Variants in ADAMTS3 observed in about 807,000 individuals in gnomAD.
The protein encoded by ADAMTS3 is ADAM metallopeptidase with thrombospondin type 1 motif 3, also known as A disintegrin and metalloproteinase with thrombospondin motifs 3.
In ADAMTS3, 73 loss-of-function variants were observed where a neutral mutation model predicts 129.0. That is an observed-to-expected ratio of 0.57 (90% CI 0.47 to 0.69). The LOEUF is 0.69. Ranked by LOEUF, ADAMTS3 falls within the 30% of genes least tolerant of loss-of-function variation. ADAMTS3 has a pLI of 0.00. For synonymous variants in ADAMTS3, 477 were observed against 510.8 expected, an observed-to-expected ratio of 0.93 and a Z score of 0.89; for missense variants, 1,457 against 1,514.5, an observed-to-expected ratio of 0.96 and a Z score of 0.63.
At chr4:72,527,824 C>T (rs1391417823) in intron 3 of ADAMTS3, among the ~76,000 whole-genome samples, 2 of 152,122 alleles carry the variant, frequency 1.3e-5, no homozygotes, top group Non-Finnish European at 2.9e-5. Flanking sequence ...GACAGGGATT[C>T]TACCCAGAGG....
intron 3 of ADAMTS3, among the ~76,000 whole-genome samples, chr4:72,533,274 T>C (rs1046876517): frequency 6.6e-6 from 1 of 152,138 alleles, no homozygotes; most frequent in South Asian, 2.1e-4. Flanking sequence ...ACCTTAGGCC[T>C]ACACAGAGTC....
intron 6 of ADAMTS3, 53 bp from the exon 7 acceptor site, chr4:72,320,923 G>C: frequency 6.5e-7 from 1 of 1,545,004 alleles, no homozygotes; most frequent in Non-Finnish European, 8.8e-7. Context: ...CAAAGGCTTC[G>C]TTTGATAATT....
Position 72,291,193 on chromosome 4 carries a change from G to C in ADAMTS3, c.2724-131C>G, listed in dbSNP as rs574276823. 4 of 859,344 alleles carry C rather than the reference G, an allele frequency of 4.7e-6. No homozygotes were observed. The East Asian group carries it at 1.1e-4, about 23-fold the overall frequency. The allele number at this position is 859,344 out of a possible 1,614,324, so 53.2% of individuals were successfully genotyped here. ...TAGTGGGCACACTGCAGTTCAGGAA[G>C]TGGTTTCAGAAAGATGGATATAATG... is the stretch of plus-strand genomic sequence containing the variant. On this transcript the variant is annotated intron_variant, in intron 19 of 21. Coordinates refer to ENST00000286657, the MANE Select transcript of ADAMTS3 (RefSeq NM_014243.3).
chr4:72,568,935 G>T lies in ADAMTS3; in HGVS notation c.-173C>A. 1.6e-6 allele frequency: 1 copy of T among 630,452 alleles called. No individual in the cohort carries two copies. The allele number at this position is 630,452 out of a possible 1,614,324, so 39.1% of individuals were successfully genotyped here. ...AATGAAAATGAAATTTGAGCTCTGA[G>T]ACTGGCCCCCTCTGCTCTGCAGTTT... On this transcript the variant is annotated 5_prime_UTR_variant, in exon 1 of 22. Transcript: ENST00000286657.
Position 72,386,117 on chromosome 4 carries a change from C to T in ADAMTS3, c.661+28698G>A, listed in dbSNP as rs554773080. Among the ~76,000 whole-genome samples, 22 of 152,140 alleles carry T rather than the reference C, an allele frequency of 1.4e-4. 1 individual carries two copies. Among genetic ancestry groups the T allele is most frequent in the African/African-American group, 4.6e-4 (19 of 41,536 alleles). On this transcript the variant is annotated intron_variant, in intron 4 of 21. Coordinates refer to ENST00000286657, the MANE Select transcript of ADAMTS3 (RefSeq NM_014243.3). ...ATCAGAAAGCCAATAAGTTTTCATA[C>T]TGAATTTCCTTGAAAAGCTTCCATA...
At chr4:72,287,687 G>C (rs1390039439) in intron 21 of ADAMTS3, among the ~76,000 whole-genome samples, 1 of 152,084 alleles carries the variant, frequency 6.6e-6, no homozygotes, top group East Asian at 1.9e-4. Flanking sequence ...GGCAGCAGGT[G>C]ACAGCTCATC....
intron 3 of ADAMTS3, among the ~76,000 whole-genome samples, chr4:72,451,135 G>A (rs1212080972): frequency 6.6e-6 from 1 of 151,734 alleles, no homozygotes; most frequent in Non-Finnish European, 1.5e-5. Context: ...ATCATCTACA[G>A]GCCTTTGGGA....
intron 3 of ADAMTS3, among the ~76,000 whole-genome samples, chr4:72,508,985 T>C (rs957106343): frequency 6.6e-6 from 1 of 151,992 alleles, no homozygotes; most frequent in Admixed American, 6.6e-5. Flanking sequence ...CTAGAAATTA[T>C]ACAAATACAT....
Position 72,452,879 on chromosome 4 carries a change from T to C in ADAMTS3, c.505-37908A>G, listed in dbSNP as rs1473435899. Among the ~76,000 whole-genome samples the C allele has an allele frequency of 7.2e-5, 11 of 151,930 alleles. No homozygotes were observed. The East Asian group carries it at 2.2e-3, about 30-fold the overall frequency. On this transcript the variant is annotated intron_variant, in intron 3 of 21. Transcript: ENST00000286657. ...ACCATTCTACTAGGTTTTTAGTTGA[T>C]GATCTCTGAAGGGATGTATCGGAGT...
At chr4:72,307,154 A>G (rs1719109450) in intron 15 of ADAMTS3, among the ~76,000 whole-genome samples, 2 of 152,026 alleles carry the variant, frequency 1.3e-5, no homozygotes, top group South Asian at 4.1e-4. Context: ...TGTCATTTGT[A>G]TATGTATAAT....
rs759043853 is a variant in ADAMTS3 at position 72,339,539 on chromosome 4, A to G, written c.816T>C (p.His272=). 1.4e-5 allele frequency: 23 copies of G among 1,613,858 alleles called. No homozygotes were observed. Among genetic ancestry groups the G allele is most frequent in the Non-Finnish European group, 1.7e-5 (20 of 1,179,898 alleles). Residue 272 remains histidine (H), a synonymous_variant, in exon 5 of 22, where the codon CAT becomes CAC. Coordinates refer to ENST00000286657, the MANE Select transcript of ADAMTS3 (RefSeq NM_014243.3). ...GGTAGTTTTGGACGTGCTCTTTGCC[A>G]TGGAAACGGACCACAGAGTCATCCA... ...LGVDDSVVRF[H]GKEHVQNYLL...
At chr4:72,478,891 C>T (rs1719328458) in intron 3 of ADAMTS3, among the ~76,000 whole-genome samples, 1 of 151,760 alleles carries the variant, frequency 6.6e-6, no homozygotes, top group South Asian at 2.1e-4. Context: ...CATTCTTATA[C>T]ACCAATAACA....
intron 4 of ADAMTS3, among the ~76,000 whole-genome samples, chr4:72,349,505 C>T (rs902123730): frequency 6.6e-6 from 1 of 152,030 alleles, no homozygotes; most frequent in Non-Finnish European, 1.5e-5. Context: ...TCCCATTTAA[C>T]GAGCACAGTG....
At chr4:72,412,078 A>G (rs749697370) in intron 4 of ADAMTS3, among the ~76,000 whole-genome samples, 10 of 152,114 alleles carry the variant, frequency 6.6e-5, no homozygotes, top group Non-Finnish European at 1.5e-4. Flanking sequence ...AGGGCAGAAT[A>G]TTACATGGGC....
At position 72,323,006 on chromosome 4, in the gene ADAMTS3, C is replaced by T. The variant is rs775596977; in HGVS notation, c.945+8G>A. ...AATGTTTATAATTCATGTTTTAAGACATTTTACCTTTGCATATCCCAGCAT... is the reference window on the plus strand; with the variant it reads ...AATGTTTATAATTCATGTTTTAAGATATTTTACCTTTGCATATCCCAGCAT... On this transcript the variant is annotated splice_region_variant and intron_variant, in intron 6 of 21. Coordinates refer to ENST00000286657, the MANE Select transcript of ADAMTS3 (RefSeq NM_014243.3). 1 of 1,606,998 alleles carries T rather than the reference C, an allele frequency of 6.2e-7. No homozygotes were observed. The highest frequency in any genetic ancestry group is 2.2e-5 in the East Asian group (1 of 44,826).
chr4:72,528,013 C>T (rs1021568584), intron 3 of ADAMTS3, among the ~76,000 whole-genome samples: 2 of 152,156 alleles, frequency 1.3e-5, no homozygotes, highest in South Asian at 4.1e-4. Flanking sequence ...ACAGTCACCA[C>T]TCTCATGGAA....
chr4:72,281,634 A>C lies in ADAMTS3; in HGVS notation c.*1502T>G, dbSNP rs1718345680. On this transcript the variant is annotated 3_prime_UTR_variant, in exon 22 of 22. Transcript: ENST00000286657. Reference sequence around the variant, plus strand: ...CATCAACTTAATATCAACTACTAAAAATGCAAGATGTTTGCATAACATCAA... The same window carrying C: ...CATCAACTTAATATCAACTACTAAACATGCAAGATGTTTGCATAACATCAA... 1 of 152,200 alleles carries C rather than the reference A, an allele frequency of 6.6e-6. No homozygotes were observed. The highest frequency in any genetic ancestry group is 1.5e-5 in the Non-Finnish European group (1 of 68,038). 9.4% of individuals were successfully genotyped at this position (152,200 alleles called of 1,614,324 possible).
rs556417240 is a variant in ADAMTS3, at chr4:72,284,389, G to C, written c.3050-685C>G. 4.7e-5 allele frequency among the ~76,000 whole-genome samples: 7 copies of C among 150,368 alleles called. No individual in the cohort carries two copies. The East Asian group carries it at 1.2e-3, about 25-fold the overall frequency. ...GAACCCAGGAGGTGGAGCTTGCAGT[G>C]AGCCAAGATTGTGCCACTGCACTCC... is the stretch of plus-strand genomic sequence containing the variant. On this transcript the variant is annotated intron_variant, in intron 21 of 21. Coordinates refer to ENST00000286657, the MANE Select transcript of ADAMTS3 (RefSeq NM_014243.3).
intron 4 of ADAMTS3, among the ~76,000 whole-genome samples, chr4:72,342,316 G>A (rs1354594257): frequency 1.3e-5 from 2 of 150,762 alleles, no homozygotes; most frequent in South Asian, 2.1e-4. Context: ...ATGATGAACC[G>A]CTATTGTTCC....
Sources: allele counts gnomAD v4.1 joint callset (sites outside exome capture counted in the v4.1 genomes callset), GRCh38; gene constraint gnomAD v4.1.1; transcripts MANE v1.5; gene names NCBI Gene and HGNC (gene_info 2026-07-23, HGNC 2026-07-21).